KDM3A: variants seen among roughly 807,000 people sequenced by gnomAD.
KDM3A encodes the protein lysine demethylase 3A, also known as lysine-specific demethylase 3A.
KDM3A carries 60 observed loss-of-function variants against 158.0 expected under a neutral mutation model. That is an observed-to-expected ratio of 0.38 (90% CI 0.31 to 0.47). The LOEUF (loss-of-function observed/expected upper bound fraction) is 0.47. KDM3A is among the 20% of genes least tolerant of loss of function. The pLI is 0.99. For missense variants in KDM3A, 1,319 were observed against 1,574.3 expected (o/e 0.84, Z 2.74); for synonymous variants, 608 against 549.3 (o/e 1.11, Z -1.49).
In KDM3A at chr2:86,466,879, G is replaced by T. The variant is rs1173860954; in HGVS notation, c.1515G>T (p.Gln505His). The stretch of plus-strand genomic sequence containing the variant: ...GTTCAAGAAGCAACAATAAAATCCA[G>T]AATGGTGAGTGTTTCTCAATATCTT... ...SCCSRSNNKI[Q>H]NAPSRKSVLT... Residue 505 changes from glutamine (Q) to histidine (H), a missense_variant, in exon 10 of 26, where the codon CAG becomes CAT. Gln to His is a conservative substitution (Grantham distance 24). Transcript: ENST00000312912. The T allele has an allele frequency of 1.3e-6, 2 of 1,594,134 alleles. No homozygotes were observed. Among genetic ancestry groups the T allele is most frequent in the South Asian group, 1.1e-5 (1 of 88,786 alleles).
chr2:86,440,325 G>T (rs1210765264), upstream of KDM3A, among the ~76,000 whole-genome samples: 1 of 152,144 alleles, frequency 6.6e-6, no homozygotes, highest in Admixed American at 6.5e-5. Context: ...CTTGTAAAAT[G>T]GGAGGCATGA....
intron 15 of KDM3A, chr2:86,479,888 G>T (rs1673838829): frequency 5.3e-6 from 2 of 376,690 alleles, no homozygotes; most frequent in Admixed American, 4.5e-5. Flanking sequence ...AAACCAGCAT[G>T]GTACATAGAG....
intron 8 of KDM3A, among the ~76,000 whole-genome samples, chr2:86,457,763 C>T (rs1672767174): frequency 6.6e-6 from 1 of 152,060 alleles, no homozygotes; most frequent in Non-Finnish European, 1.5e-5. Context: ...TTTAATTGGT[C>T]ATTTATGATT....
chr2:86,485,923 T>G, intron 21 of KDM3A, 64 bp downstream of exon 21: 2 of 1,564,288 alleles, frequency 1.3e-6, no homozygotes, highest in Non-Finnish European at 1.8e-6. Context: ...GGAAAATTGA[T>G]TTTGTGGGAG....
At chr2:86,461,042 T>G (rs1672904529) in intron 8 of KDM3A, among the ~76,000 whole-genome samples, 1 of 151,390 alleles carries the variant, frequency 6.6e-6, no homozygotes. Flanking sequence ...TCGCAATGTT[T>G]TTCTGCTTTA....
chr2:86,482,716 C>T (rs1173358547), intron 18 of KDM3A, 22 bp downstream of exon 18: 1 of 1,611,166 alleles, frequency 6.2e-7, no homozygotes, highest in South Asian at 1.1e-5. Context: ...CTCCCATCCT[C>T]CTGCCCTATT....
At chr2:86,453,593 CG>C (rs1672561171) in intron 4 of KDM3A, among the ~76,000 whole-genome samples, 1 of 152,140 alleles carries the variant, frequency 6.6e-6, no homozygotes. Context: ...AAGCCCTTTG[CG>C]GCTCTTTCCA....
At chr2:86,471,311 A>G (rs994694682) in intron 11 of KDM3A, among the ~76,000 whole-genome samples, 1 of 150,904 alleles carries the variant, frequency 6.6e-6, no homozygotes, top group African/African-American at 2.5e-5. Flanking sequence ...GTATGTGTAT[A>G]TATGTGTATA....
At chr2:86,457,191 T>A (rs997030661) in intron 8 of KDM3A, 120 bp downstream of exon 8, 5 of 338,840 alleles carry the variant, frequency 1.5e-5, no homozygotes, top group Admixed American at 4.9e-5. Flanking sequence ...GATCTCACTC[T>A]GTCACTCAGA....
intron 12 of KDM3A, among the ~76,000 whole-genome samples, chr2:86,477,331 A>G (rs980623471): frequency 3.3e-5 from 5 of 152,228 alleles, no homozygotes; most frequent in African/African-American, 1.2e-4. Context: ...GTTAATGTGC[A>G]ACTCCCTCCA....
chr2:86,482,138 G>A, intron 17 of KDM3A, 36 bp downstream of exon 17: 1 of 1,593,260 alleles, frequency 6.3e-7, no homozygotes, highest in Admixed American at 1.7e-5. Flanking sequence ...ATGTTTTAAA[G>A]TTGAAGACAG....
rs142497993 is a variant in KDM3A, at chr2:86,491,236, T to C, written c.3846T>C (p.Tyr1282=). The change falls in exon 25 of 26, where the codon TAT becomes TAC. Residue 1282 remains tyrosine, a synonymous_variant. Coordinates refer to ENST00000312912, the MANE Select transcript of KDM3A (RefSeq NM_018433.6). The stretch of plus-strand genomic sequence containing the variant: ...TCTGGCTTACTCAGGAATTCCGATA[T>C]CTGTCACAGACTCATACCAATCACG... ...HCFWLTQEFR[Y]LSQTHTNHED... 23 of 1,613,762 alleles carry C rather than the reference T, an allele frequency of 1.4e-5. No individual in the cohort carries two copies. The South Asian group carries it at 2.1e-4, about 15-fold the overall frequency.
chr2:86,474,752 C>CTT (rs745457930), intron 11 of KDM3A, 24 bp from the exon 12 acceptor site: 10 of 850,108 alleles, frequency 1.2e-5, no homozygotes, highest in African/African-American at 2.0e-5. Flanking sequence ...TACATTACAT[C>CTT]TTTTTTTCCC....
chr2:86,474,913 T>A lies in KDM3A; in HGVS notation c.1862T>A (p.Ile621Asn). The change falls in exon 12 of 26, where the codon ATC (isoleucine) becomes AAC (asparagine). Residue 621 changes from isoleucine to asparagine, a missense_variant. By Grantham distance (149) the Ile-to-Asn change is moderately radical. Around this residue, in one of 4 missense-constraint regions of KDM3A, gnomAD observed 113 missense variants for 190.5 expected, o/e 0.59. Coordinates refer to ENST00000312912, the MANE Select transcript of KDM3A (RefSeq NM_018433.6). ...VGIDLDTAKY[I>N]LANIGDHFCQ... is the part of the protein sequence containing the mutation. ...ATTGATTTGGACACAGCAAAGTACA[T>A]CTTGGCCAACATTGGAGACCACTTC... The A allele has an allele frequency of 6.2e-7, 1 of 1,614,096 alleles. No individual in the cohort carries two copies. The highest frequency in any genetic ancestry group is 8.5e-7 in the Non-Finnish European group (1 of 1,180,012).
intron 11 of KDM3A, among the ~76,000 whole-genome samples, chr2:86,471,602 C>G (rs989248571): frequency 6.6e-6 from 1 of 152,070 alleles, no homozygotes; most frequent in Non-Finnish European, 1.5e-5. Context: ...TTCTCCTCCT[C>G]CCTTTTCATT....
chr2:86,491,405 C>G lies in KDM3A; in HGVS notation c.3885+130C>G, dbSNP rs1275479367. On this transcript the variant is annotated intron_variant, in intron 25 of 25. Transcript: ENST00000312912. ...AGTACACAGTGAGTCGAGGAACTTG[C>G]TTTATATCTAGTACTACTATCTACT... 3.5e-6 allele frequency: 3 copies of G among 859,744 alleles called. No homozygotes were observed. In the East Asian group the frequency reaches 7.4e-5, roughly 21 times the overall value. The allele number at this position is 859,744 out of a possible 1,614,324, so 53.3% of individuals were successfully genotyped here. A position where few individuals can be genotyped will look rare whatever the true frequency, so the allele number is the denominator to read the frequency against.
At chr2:86,442,897 T>G (rs1054907639) in intron 2 of KDM3A, among the ~76,000 whole-genome samples, 5 of 152,114 alleles carry the variant, frequency 3.3e-5, no homozygotes, top group African/African-American at 1.2e-4. Context: ...AATACTGCAC[T>G]TGGACGCATG....
chr2:86,486,794 C>T (rs1052692441), intron 21 of KDM3A: 2 of 152,326 alleles, frequency 1.3e-5, no homozygotes, highest in African/African-American at 4.8e-5. Flanking sequence ...TGAGTCAGCT[C>T]AGGGAACCAC....
intron 1 of KDM3A, 92 bp from the exon 2 acceptor site, chr2:86,441,926 G>T (rs944973213): frequency 1.9e-6 from 2 of 1,038,460 alleles, no homozygotes; most frequent in Non-Finnish European, 1.4e-6. Context: ...CCTCGCGCGG[G>T]TTCGGCGCCC....
Sources: allele counts gnomAD v4.1 joint callset (sites outside exome capture counted in the v4.1 genomes callset), GRCh38; gene constraint gnomAD v4.1.1; regional missense constraint gnomAD v4.1.1; transcripts MANE v1.5; gene names NCBI Gene and HGNC (gene_info 2026-07-23, HGNC 2026-07-21).